The following ATP6V1D variants were observed in gnomAD, a reference collection of about 807,000 sequenced individuals.
ATP6V1D encodes the protein V-type proton ATPase subunit D.
ATP6V1D carries 20 observed loss-of-function variants against 39.4 expected under a neutral mutation model. That is an observed-to-expected ratio of 0.51 (90% CI 0.36 to 0.74). The LOEUF is 0.74. Among genes scored for constraint, ATP6V1D ranks in the 30% least tolerant of loss-of-function variants. The pLI, the probability that ATP6V1D is intolerant of heterozygous loss-of-function variation, is 0.00. For synonymous variants in ATP6V1D, 100 were observed against 100.5 expected (o/e 0.99, Z 0.03); for missense variants, 228 against 291.6 (o/e 0.78, Z 1.59).
chr14:67,340,350 A>C, intron 8 of ATP6V1D, 90 bp downstream of exon 8: 1 of 1,084,592 alleles, frequency 9.2e-7, no homozygotes, highest in Non-Finnish European at 1.4e-6. Context: ...TGCTAATTCT[A>C]AAGAACATAA....
chr14:67,340,493 A>C lies in ATP6V1D; in HGVS notation c.549T>G (p.Thr183=). 6.2e-7 allele frequency: 1 copy of C among 1,613,238 alleles called. No homozygotes were observed. Among genetic ancestry groups the C allele is most frequent in the Non-Finnish European group, 8.5e-7 (1 of 1,179,798 alleles). ...CCAGCTCTGTGATGATATAAGCAAG[A>C]GTACGTTCAATCCGGGGAATGATGA... is the stretch of plus-strand genomic sequence containing the variant. ...EHVIIPRIER[T]LAYIITELDE... The change falls in exon 8 of 9, where the codon ACT becomes ACG. Residue 183 remains threonine (T), a synonymous_variant. Transcript: ENST00000216442.
intron 8 of ATP6V1D, 196 bp downstream of exon 8, chr14:67,340,234 TGGAAATGCCA>T: frequency 2.0e-6 from 1 of 496,594 alleles, no homozygotes; most frequent in Non-Finnish European, 3.6e-6. Flanking sequence ...CCTAAGTTTT[TGGAAATGCCA>T]TGTTATAGGT....
In ATP6V1D at chr14:67,345,769, T is replaced by A. The variant is rs1410586772; in HGVS notation, c.455A>T (p.Gln152Leu). The A allele has an allele frequency of 6.2e-7, 1 of 1,609,746 alleles. No homozygotes were observed. Among genetic ancestry groups the A allele is most frequent in the Non-Finnish European group, 8.5e-7 (1 of 1,176,278 alleles). Reference sequence around the variant, plus strand: ...TTCTCCAGGTCTTTTGCTACTTACCTGCAGAGAAGCTAGTTCCACCAGTAG... The same window carrying A: ...TTCTCCAGGTCTTTTGCTACTTACCAGCAGAGAAGCTAGTTCCACCAGTAG... The part of the protein sequence containing the change: ...VELLVELASL[Q>L]TSFVTLDEAI... The change falls in exon 6 of 9, where the codon CAG becomes CTG. Residue 152 changes from glutamine to leucine, a missense_variant and splice_region_variant. Physicochemically the swap from Gln to Leu is moderately radical, Grantham distance 113. Around this residue, in one of 3 missense-constraint regions of ATP6V1D, gnomAD observed 114 missense variants for 128.3 expected, o/e 0.89. Coordinates refer to ENST00000216442, the MANE Select transcript of ATP6V1D (RefSeq NM_015994.4).
chr14:67,341,242 C>T (rs551010496), intron 7 of ATP6V1D, among the ~76,000 whole-genome samples: 2,896 of 151,796 alleles, frequency 0.019, 35 homozygotes, highest in Middle Eastern at 0.034. Context: ...CGTCTCTGCC[C>T]GGCCGCCCAT....
At chr14:67,338,958 T>G (rs1262238036) in intron 8 of ATP6V1D, among the ~76,000 whole-genome samples, 196 bp from the exon 9 acceptor site, 1 of 151,920 alleles carries the variant, frequency 6.6e-6, no homozygotes, top group Non-Finnish European at 1.5e-5. Context: ...TACATAATTT[T>G]AAGCTAATAA....
intron 1 of ATP6V1D, chr14:67,353,556 C>G (rs752285588): frequency 6.6e-6 from 1 of 152,150 alleles, no homozygotes; most frequent in Non-Finnish European, 1.5e-5. Context: ...GGCGCGATCT[C>G]GACTCATTGC....
chr14:67,338,900 G>T, intron 8 of ATP6V1D, 138 bp from the exon 9 acceptor site: 14 of 604,438 alleles, frequency 2.3e-5, no homozygotes, highest in East Asian at 7.6e-5. Context: ...TTCATTTTCA[G>T]TAATTTATTT....
At chr14:67,358,588 C>T (rs1296919134) in intron 1 of ATP6V1D, among the ~76,000 whole-genome samples, 1 of 152,056 alleles carries the variant, frequency 6.6e-6, no homozygotes, top group Non-Finnish European at 1.5e-5. Context: ...TAATCTCAGC[C>T]GCCAGGGAGG....
chr14:67,341,534 G>A (rs1202626986), intron 7 of ATP6V1D, among the ~76,000 whole-genome samples: 1 of 150,330 alleles, frequency 6.7e-6, no homozygotes, highest in African/African-American at 2.5e-5. Context: ...CCCCCCGCCT[G>A]GCCAGCCGCC....
At chr14:67,341,979 G>T (rs1012006362) in intron 7 of ATP6V1D, among the ~76,000 whole-genome samples, 1 of 151,724 alleles carries the variant, frequency 6.6e-6, no homozygotes, top group South Asian at 2.1e-4. Flanking sequence ...ACAGATGCTT[G>T]AAGGCAGCAT....
chr14:67,338,868 AAAAC>A (rs2085558701), intron 8 of ATP6V1D, 106 bp from the exon 9 acceptor site: 2 of 895,550 alleles, frequency 2.2e-6, no homozygotes, highest in Admixed American at 5.7e-5. Flanking sequence ...TACCTAGAAA[AAAAC>A]CTGGTACTTT....
In ATP6V1D at chr14:67,338,694, C is replaced by T; in HGVS notation, c.671G>A (p.Arg224Lys). ...AGGCTCCAACACCTCTCCAGCTGCT[C>T]TCCTTTGCTCCAAGTCCTTCTCAGA... ...EKSEKDLEQR[R>K]AAGEVLEPAN... is the part of the protein sequence containing the mutation. Residue 224 changes from arginine (R) to lysine (K), a missense_variant, in exon 9 of 9, where the codon AGA becomes AAA. By Grantham distance (26) the Arg-to-Lys change is conservative (BLOSUM62 2). Around this residue, in one of 3 missense-constraint regions of ATP6V1D, gnomAD observed 114 missense variants for 128.3 expected, o/e 0.89. Transcript: ENST00000216442. 6.2e-7 allele frequency: 1 copy of T among 1,613,914 alleles called. No homozygotes were observed. The highest frequency in any genetic ancestry group is 8.5e-7 in the Non-Finnish European group (1 of 1,179,776).
chr14:67,353,160 T>A (rs1005529215), intron 1 of ATP6V1D, 120 bp from the exon 2 acceptor site: 1 of 721,770 alleles, frequency 1.4e-6, no homozygotes, highest in Admixed American at 2.6e-5. Flanking sequence ...TGAGACTATA[T>A]AGAGAATTTG....
chr14:67,344,483 C>T (rs972896697), intron 6 of ATP6V1D, among the ~76,000 whole-genome samples: 17 of 152,120 alleles, frequency 1.1e-4, no homozygotes, highest in African/African-American at 3.9e-4. Flanking sequence ...TAGATATATA[C>T]TAACTGGCCA....
rs1342785830 is a variant in ATP6V1D at position 67,348,232 on chromosome 14, G to A, written c.308-779C>T. ...TGGGATTACAGGCATGCGCTACCAC[G>A]TCTGGCTTATTTTGTATTTTTAGTA... On this transcript the variant is annotated intron_variant, in intron 4 of 8. Transcript: ENST00000216442. Among the ~76,000 whole-genome samples the A allele has an allele frequency of 2.0e-5, 3 of 151,538 alleles. No homozygotes were observed. The South Asian group carries it at 6.2e-4, about 32-fold the overall frequency.
intron 8 of ATP6V1D, chr14:67,340,202 C>A: frequency 2.3e-6 from 1 of 443,198 alleles, no homozygotes; most frequent in South Asian, 3.4e-5. Flanking sequence ...AAAAATCAAA[C>A]CTAAACAGTT....
At chr14:67,343,206 AC>A in intron 7 of ATP6V1D, among the ~76,000 whole-genome samples, 165 bp downstream of exon 7, 1 of 151,762 alleles carries the variant, frequency 6.6e-6, no homozygotes, top group Admixed American at 6.6e-5. Flanking sequence ...ACACTTCATA[AC>A]ACTTTTTTTT....
intron 1 of ATP6V1D, among the ~76,000 whole-genome samples, chr14:67,357,795 A>G (rs1389943812): frequency 6.6e-6 from 1 of 152,178 alleles, no homozygotes; most frequent in African/African-American, 2.4e-5. Flanking sequence ...GAGAAACCTT[A>G]AAGTGTTGGT....
chr14:67,353,662 T>C (rs2085669410), intron 1 of ATP6V1D: 1 of 152,162 alleles, frequency 6.6e-6, no homozygotes, highest in Non-Finnish European at 1.5e-5. Context: ...TATATTTTTT[T>C]GTATTTTTAG....
Sources: allele counts gnomAD v4.1 joint callset (sites outside exome capture counted in the v4.1 genomes callset), GRCh38; gene constraint gnomAD v4.1.1; regional missense constraint gnomAD v4.1.1; transcripts MANE v1.5; gene names NCBI Gene and HGNC (gene_info 2026-07-23, HGNC 2026-07-21).